The following LIN7A variants were observed in gnomAD, a reference collection of about 807,000 sequenced individuals.
LIN7A encodes lin-7 cell polarity scaffold A.
In LIN7A, 25 loss-of-function variants were observed where a neutral mutation model predicts 29.8. The ratio of observed to expected loss-of-function variants is 0.84; its 90% CI spans 0.61 to 1.17. LIN7A has a LOEUF of 1.17. Ranked by LOEUF, LIN7A falls within the 50% of genes most tolerant of loss-of-function variation. The pLI is 0.00. For synonymous variants in LIN7A, 118 were observed against 107.5 expected (o/e 1.10, Z -0.60); for missense variants, 239 against 287.0 (o/e 0.83, Z 1.21).
intron 4 of LIN7A, among the ~76,000 whole-genome samples, chr12:80,812,934 A>G (rs1355405298): frequency 6.6e-6 from 1 of 152,204 alleles, no homozygotes; most frequent in Admixed American, 6.5e-5. Context: ...AAAAATATAA[A>G]TGGACAATAG....
chr12:80,815,055 A>G (rs1871467731), intron 4 of LIN7A, among the ~76,000 whole-genome samples: 1 of 152,164 alleles, frequency 6.6e-6, no homozygotes, highest in Non-Finnish European at 1.5e-5. Context: ...TTTATTTCAA[A>G]CACTCCTCAA....
At chr12:80,834,546 C>A (rs1401908051) in intron 4 of LIN7A, among the ~76,000 whole-genome samples, 1 of 152,118 alleles carries the variant, frequency 6.6e-6, no homozygotes, top group African/African-American at 2.4e-5. Flanking sequence ...GGCCTATGAT[C>A]AAATGTGATT....
At chr12:80,927,155 C>CTTTTTTTTTTTTTTTTTTTT (rs929026269) in intron 1 of LIN7A, among the ~76,000 whole-genome samples, 39 of 75,534 alleles carry the variant, frequency 5.2e-4, no homozygotes, top group South Asian at 1.6e-3. Flanking sequence ...TTTTCTTTTT[C>CTTTTTTTTTTTTTTTTTTTT]TTTTTTTTTT....
intron 1 of LIN7A, among the ~76,000 whole-genome samples, chr12:80,897,601 T>A (rs1010283218): frequency 2.0e-5 from 3 of 151,100 alleles, no homozygotes; most frequent in Non-Finnish European, 4.4e-5. Context: ...AGCCCAGGAG[T>A]TTGAGAACAG....
chr12:80,827,716 C>T (rs1010327706), intron 4 of LIN7A, among the ~76,000 whole-genome samples: 2 of 152,014 alleles, frequency 1.3e-5, no homozygotes, highest in African/African-American at 2.4e-5. Context: ...GTCCTTCCTC[C>T]ACTCTGTTTT....
chr12:80,928,574 T>G (rs966164121), intron 1 of LIN7A, among the ~76,000 whole-genome samples: 1 of 152,228 alleles, frequency 6.6e-6, no homozygotes, highest in Non-Finnish European at 1.5e-5. Context: ...TTTGTTTCTT[T>G]GTAGATTCTG....
At chr12:80,896,860 A>G (rs913455037) in intron 1 of LIN7A, among the ~76,000 whole-genome samples, 2 of 152,200 alleles carry the variant, frequency 1.3e-5, no homozygotes, top group African/African-American at 4.8e-5. Flanking sequence ...AATGAACAAT[A>G]TATGATACAA....
At chr12:80,912,022 A>G (rs1876774593) in intron 1 of LIN7A, among the ~76,000 whole-genome samples, 1 of 152,194 alleles carries the variant, frequency 6.6e-6, no homozygotes, top group African/African-American at 2.4e-5. Context: ...CTATTAACAG[A>G]TAAGAAAAAA....
intron 1 of LIN7A, among the ~76,000 whole-genome samples, chr12:80,914,242 G>A (rs1051788552): frequency 2.0e-5 from 3 of 152,194 alleles, no homozygotes; most frequent in Non-Finnish European, 2.9e-5. Context: ...ACAGAGTTTC[G>A]TCGTCTGCAT....
intron 5 of LIN7A, among the ~76,000 whole-genome samples, chr12:80,810,537 A>C (rs1592851669): frequency 6.6e-6 from 1 of 152,196 alleles, no homozygotes; most frequent in Non-Finnish European, 1.5e-5. Context: ...CTGTTGTAAT[A>C]ATGCTGTATT....
chr12:80,816,902 G>A (rs191326528), intron 4 of LIN7A, among the ~76,000 whole-genome samples: 1 of 152,294 alleles, frequency 6.6e-6, no homozygotes, highest in Non-Finnish European at 1.5e-5. Context: ...CCGAGTAGCT[G>A]GGACTATAGG....
intron 2 of LIN7A, among the ~76,000 whole-genome samples, chr12:80,881,764 G>A (rs1030758179): frequency 5.9e-5 from 9 of 151,936 alleles, no homozygotes; most frequent in African/African-American, 2.2e-4. Flanking sequence ...TCTAATCTCT[G>A]CTGTTGTTAT....
chr12:80,912,412 C>T lies in LIN7A; in HGVS notation c.83-23043G>A, dbSNP rs116509733. Among the ~76,000 whole-genome samples, 858 of 152,046 alleles carry T rather than the reference C, an allele frequency of 5.6e-3. 3 individuals carry two copies. The highest frequency in any genetic ancestry group is 0.016 in the African/African-American group (644 of 41,472). ...GCTATTCTTATCATTAATCATAGAT[C>T]TCCTTTTAAAAATAGACTCTAGGCC... On this transcript the variant is annotated intron_variant, in intron 1 of 5. Coordinates refer to ENST00000552864, the MANE Select transcript of LIN7A (RefSeq NM_004664.4).
At chr12:80,914,733 G>C (rs1453002184) in intron 1 of LIN7A, among the ~76,000 whole-genome samples, 3 of 152,094 alleles carry the variant, frequency 2.0e-5, no homozygotes, top group African/African-American at 7.2e-5. Context: ...GTGAGACTAT[G>C]GGCAACCTCT....
At position 80,915,874 on chromosome 12, in the gene LIN7A, C is replaced by T. The variant is rs1462797882; in HGVS notation, c.82+21767G>A. Among the ~76,000 whole-genome samples the T allele has an allele frequency of 2.0e-5, 3 of 152,074 alleles. No homozygotes were observed. In the South Asian group the frequency reaches 6.2e-4, roughly 31 times the overall value. On this transcript the variant is annotated intron_variant, in intron 1 of 5. Coordinates refer to ENST00000552864, the MANE Select transcript of LIN7A (RefSeq NM_004664.4). ...TGGGAACAACAGACAATGAAGAATA[C>T]AAGAGCAGGGAGGGAGAGAGAGGGG...
chr12:80,832,494 A>G (rs1198163839), intron 4 of LIN7A: 4 of 472,304 alleles, frequency 8.5e-6, no homozygotes, highest in South Asian at 4.6e-5. Flanking sequence ...AGAACATTCA[A>G]TTGAGATCAA....
intron 1 of LIN7A, among the ~76,000 whole-genome samples, chr12:80,912,987 A>C (rs184029316): frequency 6.6e-6 from 1 of 152,288 alleles, no homozygotes; most frequent in East Asian, 1.9e-4. Flanking sequence ...TTGCAATTAA[A>C]ATGTCAAATG....
Position 80,793,300 on chromosome 12 carries a change from G to A in LIN7A, c.*4427C>T, listed in dbSNP as rs1471454332. ...GGCTAGAAAATAGAGCTGCATAAAT[G>A]TTAGTTATGAATAAATTACTTACCT... On this transcript the variant is annotated 3_prime_UTR_variant, in exon 6 of 6. Transcript: ENST00000552864. 3 of 152,200 alleles carry A rather than the reference G, an allele frequency of 2.0e-5. No individual in the cohort carries two copies. The highest frequency in any genetic ancestry group is 7.2e-5 in the African/African-American group (3 of 41,442). The allele number at this position is 152,200 out of a possible 1,614,324, so 9.4% of individuals were successfully genotyped here.
At chr12:80,860,418 T>A (rs1003919555) in intron 2 of LIN7A, among the ~76,000 whole-genome samples, 2 of 152,232 alleles carry the variant, frequency 1.3e-5, no homozygotes, top group African/African-American at 4.8e-5. Context: ...AGATGCCAAC[T>A]ACTCTGGCCT....
Sources: gnomAD v4.1 joint callset for allele counts (sites outside exome capture counted in the v4.1 genomes callset) on GRCh38, gnomAD v4.1.1 for gene constraint, MANE v1.5 for transcripts, NCBI Gene and HGNC (gene_info 2026-07-23, HGNC 2026-07-21) for gene names.